The following ULK4 variants were observed in gnomAD, a reference collection of about 807,000 sequenced individuals.
The protein encoded by ULK4 is inactive serine/threonine-protein kinase ULK4.
Under a neutral mutation model 160.6 loss-of-function variants are expected in ULK4, and 133 were observed. The observed-to-expected ratio is 0.83, with a 90% CI of 0.72 to 0.96. The LOEUF (loss-of-function observed/expected upper bound fraction) is 0.96. Among genes scored for constraint, ULK4 ranks in the 40% least tolerant of loss-of-function variants. The pLI, the probability that ULK4 is intolerant of heterozygous loss-of-function variation, is 0.00. For missense variants in ULK4, 1,580 were observed against 1,499.5 expected, an observed-to-expected ratio of 1.05 and a Z score of -0.89; for synonymous variants, 534 against 539.8, an observed-to-expected ratio of 0.99 and a Z score of 0.15.
intron 34 of ULK4, among the ~76,000 whole-genome samples, chr3:41,453,094 TAAGATCAAAGGTAAAGCACTAA>T (rs1334697911): frequency 1.3e-5 from 2 of 152,302 alleles, no homozygotes; most frequent in Non-Finnish European, 2.9e-5. Flanking sequence ...AAGGGCTAAG[TAAGATCAAAGGTAAAGCACTAA>T]TAGAATCTAG....
At chr3:41,358,738 C>T (rs2125770042) in intron 35 of ULK4, among the ~76,000 whole-genome samples, 1 of 152,074 alleles carries the variant, frequency 6.6e-6, no homozygotes, top group South Asian at 2.1e-4. Flanking sequence ...GCAGGGGCCT[C>T]AAAGATGAGG....
intron 32 of ULK4, among the ~76,000 whole-genome samples, chr3:41,474,349 A>C (rs1451456363): frequency 6.6e-6 from 1 of 152,152 alleles, no homozygotes; most frequent in East Asian, 1.9e-4. Context: ...CTACATACAA[A>C]AATCAGTTCA....
intron 2 of ULK4, among the ~76,000 whole-genome samples, chr3:41,952,604 T>C (rs1700328653): frequency 6.6e-6 from 1 of 151,994 alleles, no homozygotes. Flanking sequence ...CGAACCCTTG[T>C]GCACTGATGG....
intron 32 of ULK4, among the ~76,000 whole-genome samples, chr3:41,466,488 T>C (rs1435015996): frequency 1.3e-5 from 2 of 152,124 alleles, no homozygotes; most frequent in African/African-American, 4.8e-5. Context: ...CCTTGACCAT[T>C]ACCTCACACA....
chr3:41,558,703 C>CA (rs35292019), intron 32 of ULK4, among the ~76,000 whole-genome samples: 61,124 of 138,230 alleles, frequency 0.44, 14,049 homozygotes, highest in Middle Eastern at 0.55. Context: ...GACTCCATCT[C>CA]AAAAAAAAAA....
intron 5 of ULK4, among the ~76,000 whole-genome samples, chr3:41,928,785 C>T (rs1036767908): frequency 5.3e-5 from 8 of 152,072 alleles, no homozygotes; most frequent in Middle Eastern, 3.4e-3. Flanking sequence ...CAAGTCTAAA[C>T]CAGGAAGAAG....
rs2078654085 is a variant in ULK4, at chr3:41,246,924, C to T, written c.*5G>A. On this transcript the variant is annotated 3_prime_UTR_variant, in exon 37 of 37. Transcript: ENST00000301831. The stretch of plus-strand genomic sequence containing the variant: ...AGGGCGGGCTTGTGCTAAGCACCTT[C>T]TTGCCTAGTGCCCAACGGCTTGGAG... 1 of 1,613,592 alleles carries T rather than the reference C, an allele frequency of 6.2e-7. No individual in the cohort carries two copies. Among genetic ancestry groups the T allele is most frequent in the Non-Finnish European group, 8.5e-7 (1 of 1,179,844 alleles).
intron 31 of ULK4, among the ~76,000 whole-genome samples, chr3:41,588,684 T>G (rs10510723): frequency 0.26 from 40,096 of 152,170 alleles, 5,930 homozygotes; most frequent in Non-Finnish European, 0.34. Context: ...TAATGTGATT[T>G]ATACCAATAG....
intron 34 of ULK4, among the ~76,000 whole-genome samples, chr3:41,421,519 T>C (rs1030683230): frequency 1.3e-5 from 2 of 152,230 alleles, no homozygotes; most frequent in Non-Finnish European, 2.9e-5. Flanking sequence ...CTTTTTAGCA[T>C]CAATAATTAC....
At chr3:41,370,239 A>G (rs925826677) in intron 35 of ULK4, among the ~76,000 whole-genome samples, 2 of 152,226 alleles carry the variant, frequency 1.3e-5, no homozygotes, top group African/African-American at 4.8e-5. Flanking sequence ...TGTGGAACTT[A>G]AAACCAAATA....
chr3:41,820,002 C>T (rs987091187), intron 18 of ULK4, among the ~76,000 whole-genome samples: 1 of 152,128 alleles, frequency 6.6e-6, no homozygotes, highest in African/African-American at 2.4e-5. Context: ...AGCGGGTACA[C>T]TGATTTTAAT....
At chr3:41,959,277 T>C (rs540815611) in intron 1 of ULK4, among the ~76,000 whole-genome samples, 2 of 149,758 alleles carry the variant, frequency 1.3e-5, no homozygotes, top group South Asian at 2.1e-4. Context: ...AGGCAGAGAA[T>C]TGCTTGGACC....
intron 5 of ULK4, among the ~76,000 whole-genome samples, chr3:41,927,906 G>A (rs888086433): frequency 1.3e-5 from 2 of 152,032 alleles, no homozygotes; most frequent in African/African-American, 4.8e-5. Flanking sequence ...CCATAATAGT[G>A]GGAGACTTTA....
chr3:41,455,129 G>T (rs543844456), intron 34 of ULK4, among the ~76,000 whole-genome samples: 1 of 152,166 alleles, frequency 6.6e-6, no homozygotes, highest in African/African-American at 2.4e-5. Flanking sequence ...CTGTGCTTTT[G>T]CATTTCTGGG....
chr3:41,551,921 A>C (rs2087082711), intron 32 of ULK4, among the ~76,000 whole-genome samples: 1 of 152,078 alleles, frequency 6.6e-6, no homozygotes. Context: ...CACTGTGACC[A>C]GGTGGGATTT....
At chr3:41,877,965 G>A (rs1559624317) in intron 17 of ULK4, among the ~76,000 whole-genome samples, 1 of 151,086 alleles carries the variant, frequency 6.6e-6, no homozygotes, top group Non-Finnish European at 1.5e-5. Flanking sequence ...TGGGCAACAA[G>A]AGCAAAACTC....
intron 31 of ULK4, among the ~76,000 whole-genome samples, chr3:41,585,382 T>C (rs1235535107): frequency 2.0e-5 from 3 of 152,130 alleles, no homozygotes; most frequent in Non-Finnish European, 4.4e-5. Flanking sequence ...ATATGGCCAA[T>C]CTTTGACAAG....
intron 33 of ULK4, among the ~76,000 whole-genome samples, chr3:41,460,852 GACCAC>G (rs1344941995): frequency 1.3e-5 from 2 of 152,056 alleles, no homozygotes; most frequent in Non-Finnish European, 2.9e-5. Context: ...GCAGAGTGGT[GACCAC>G]ATCTACTTTC....
chr3:41,828,134 T>A (rs1238963438), intron 18 of ULK4, among the ~76,000 whole-genome samples: 1 of 148,624 alleles, frequency 6.7e-6, no homozygotes, highest in African/African-American at 2.5e-5. Context: ...AATTAGGTAC[T>A]GATGAGACCT....
Sources: gnomAD v4.1 joint callset for allele counts (sites outside exome capture counted in the v4.1 genomes callset) on GRCh38, gnomAD v4.1.1 for gene constraint, MANE v1.5 for transcripts, NCBI Gene and HGNC (gene_info 2026-07-23, HGNC 2026-07-21) for gene names.